The following ZNF235 variants were observed in gnomAD, a reference collection of about 807,000 sequenced individuals.
The protein encoded by ZNF235 is zinc finger protein 235.
In ZNF235, 25 loss-of-function variants were observed where a neutral mutation model predicts 29.4. The ratio of observed to expected loss-of-function variants is 0.85; its 90% CI spans 0.62 to 1.19. ZNF235 has a LOEUF of 1.19. ZNF235 is among the 50% of genes most tolerant of loss of function. The pLI, the probability that ZNF235 is intolerant of heterozygous loss-of-function variation, is 0.00. For missense variants in ZNF235, 788 were observed against 885.0 expected, an observed-to-expected ratio of 0.89 and a Z score of 1.39; for synonymous variants, 300 against 295.3, an observed-to-expected ratio of 1.02 and a Z score of -0.16.
rs1975488636 is a variant in ZNF235 at position 44,286,579 on chromosome 19, TC to T, written c.*638del. On this transcript the variant is annotated 3_prime_UTR_variant, in exon 5 of 5. Coordinates refer to ENST00000291182, the MANE Select transcript of ZNF235 (RefSeq NM_004234.4). ...GGCTGAAGGATGGGAGCCATTCATG[TC>T]TTTTTTCCAAATTTGTGTTAGTATG... 6.6e-6 allele frequency: 1 copy of T among 152,286 alleles called. No individual in the cohort carries two copies. The highest frequency in any genetic ancestry group is 1.5e-5 in the Non-Finnish European group (1 of 68,110). The allele number at this position is 152,286 out of a possible 1,614,324, so 9.4% of individuals were successfully genotyped here.
Position 44,288,359 on chromosome 19 carries a change from C to T in ZNF235, c.1076G>A (p.Ser359Asn). 6.2e-7 allele frequency: 1 copy of T among 1,614,040 alleles called. No individual in the cohort carries two copies. The highest frequency in any genetic ancestry group is 2.2e-5 in the East Asian group (1 of 44,854). The change falls in exon 5 of 5, where the codon AGC becomes AAC. Residue 359 changes from serine (S) to asparagine (N), a missense_variant. Ser to Asn is a conservative substitution (Grantham distance 46, BLOSUM62 1). Transcript: ENST00000291182. Reference protein sequence around the residue: ...CHECGKSFNQSSHLYAHLPIH... With the variant: ...CHECGKSFNQNSHLYAHLPIH... ...AGGCAAATGAGCATAAAGATGTGAG[C>T]TCTGATTAAAGCTCTTACCACACTC...
At chr19:44,295,448 A>T (rs1022219725) in intron 4 of ZNF235, among the ~76,000 whole-genome samples, 4 of 49,946 alleles carry the variant, frequency 8.0e-5, no homozygotes, top group Non-Finnish European at 1.4e-4. Context: ...TAGATGACAT[A>T]AAAAAAATGG....
chr19:44,304,593 G>T, intron 1 of ZNF235: 1 of 505,974 alleles, frequency 2.0e-6, no homozygotes, highest in Non-Finnish European at 2.6e-6. Flanking sequence ...CTGGTTTTAA[G>T]CTTATTTCTA....
At chr19:44,299,167 AGTT>A (rs1436295576) in intron 3 of ZNF235, among the ~76,000 whole-genome samples, 1 of 152,178 alleles carries the variant, frequency 6.6e-6, no homozygotes, top group Non-Finnish European at 1.5e-5. Flanking sequence ...AAGCAGCAGC[AGTT>A]ATTGCCACAA....
rs768684125 is a variant in ZNF235, at chr19:44,287,418, G to A, written c.2017C>T (p.His673Tyr). 5 of 1,614,036 alleles carry A rather than the reference G, an allele frequency of 3.1e-6. No homozygotes were observed. In the South Asian group the frequency reaches 4.4e-5, roughly 14 times the overall value. The change falls in exon 5 of 5, where the codon CAT (histidine) becomes TAT (tyrosine). Residue 673 changes from histidine to tyrosine, a missense_variant. His to Tyr is a moderately conservative substitution (Grantham distance 83). Coordinates refer to ENST00000291182, the MANE Select transcript of ZNF235 (RefSeq NM_004234.4). ...TTCTCTCCTGTGTGGACCCTCTGATGGGCACTGAGACCAGCACTCCAACTG... is the reference window on the plus strand; with the variant it reads ...TTCTCTCCTGTGTGGACCCTCTGATAGGCACTGAGACCAGCACTCCAACTG... ...EFSWSAGLSA[H>Y]QRVHTGEKPY...
At position 44,288,088 on chromosome 19, in the gene ZNF235, A is replaced by G. The variant is rs754435786; in HGVS notation, c.1347T>C (p.His449=). The G allele has an allele frequency of 6.8e-6, 11 of 1,614,008 alleles. No homozygotes were observed. The South Asian group carries it at 1.2e-4, about 18-fold the overall frequency. The change falls in exon 5 of 5, where the codon CAT becomes CAC. Residue 449 remains histidine (H), a synonymous_variant. Coordinates refer to ENST00000291182, the MANE Select transcript of ZNF235 (RefSeq NM_004234.4). ...RFSCSSNLHT[H]QRVHTEEKPY... is the part of the protein sequence containing the mutation. ...GTTTTTCTTCAGTGTGGACTCTCTGATGGGTATGAAGATTTGAGCTACAAC... is the reference window on the plus strand; with the variant it reads ...GTTTTTCTTCAGTGTGGACTCTCTGGTGGGTATGAAGATTTGAGCTACAAC...
intron 4 of ZNF235, chr19:44,289,519 G>A (rs962229965): frequency 1.0e-4 from 20 of 197,802 alleles, no homozygotes; most frequent in Admixed American, 8.3e-4. Flanking sequence ...TTGTCCAGAT[G>A]TTTCCAAATT....
chr19:44,293,492 C>T (rs1975612842), intron 4 of ZNF235, among the ~76,000 whole-genome samples: 2 of 151,966 alleles, frequency 1.3e-5, no homozygotes, highest in African/African-American at 2.4e-5. Context: ...GACCTCAACA[C>T]CCCACAGACA....
Position 44,288,591 on chromosome 19 carries a change from T to C in ZNF235, c.844A>G (p.Lys282Glu), listed in dbSNP as rs527587271. Residue 282 changes from lysine to glutamate, a missense_variant, in exon 5 of 5, where the codon AAA (lysine) becomes GAA (glutamate). Coordinates refer to ENST00000291182, the MANE Select transcript of ZNF235 (RefSeq NM_004234.4). ...FNDSSSLELH[K>E]QVHLGKKSPA... ...GACTTCTTTCCCAAGTGTACCTGTT[T>C]ATGAAGTTCAAGACTGGAGCTATCA... 1.9e-6 allele frequency: 3 copies of C among 1,614,190 alleles called. No individual in the cohort carries two copies. In the African/African-American group the frequency reaches 4.0e-5, roughly 22 times the overall value.
intron 1 of ZNF235, 118 bp from the exon 2 acceptor site, chr19:44,303,570 G>A: frequency 2.4e-6 from 2 of 816,806 alleles, no homozygotes; most frequent in Non-Finnish European, 1.9e-6. Context: ...GTTGCACACG[G>A]CTTAGTGAGG....
rs1246892106 is a variant in ZNF235 at position 44,288,271 on chromosome 19, T to C, written c.1164A>G (p.Thr388=). The C allele has an allele frequency of 6.2e-7, 1 of 1,614,100 alleles. No homozygotes were observed. The highest frequency in any genetic ancestry group is 2.2e-5 in the East Asian group (1 of 44,868). ...GAACTCTGCAATGAATGTTAAGATC[T>C]GTGCTACGACTGAAGCCCTTCCCAC... The part of the protein sequence containing the change: ...DSCGKGFSRS[T]DLNIHCRVHT... Residue 388 remains threonine, a synonymous_variant, in exon 5 of 5, where the codon ACA becomes ACG. Coordinates refer to ENST00000291182, the MANE Select transcript of ZNF235 (RefSeq NM_004234.4).
At position 44,288,427 on chromosome 19, in the gene ZNF235, A is replaced by G. The variant is rs755943044; in HGVS notation, c.1008T>C (p.Thr336=). 8.2e-5 allele frequency: 132 copies of G among 1,614,036 alleles called. No individual in the cohort carries two copies. Among genetic ancestry groups the G allele is most frequent in the Non-Finnish European group, 1.1e-4 (129 of 1,180,026 alleles). ...TCTCCCCTGTGTGGACTCTCTGATGAGTTTGCAGATTTGAGCTCTGACTGA... is the reference window on the plus strand; with the variant it reads ...TCTCCCCTGTGTGGACTCTCTGATGGGTTTGCAGATTTGAGCTCTGACTGA... ...KGFSQSSNLQ[T]HQRVHTGEKP... Residue 336 remains threonine, a synonymous_variant, in exon 5 of 5, where the codon ACT becomes ACC. Transcript: ENST00000291182.
intron 2 of ZNF235, among the ~76,000 whole-genome samples, chr19:44,300,944 A>G (rs1975728984): frequency 6.6e-6 from 1 of 151,878 alleles, no homozygotes; most frequent in Non-Finnish European, 1.5e-5. Context: ...TTCTCAATTA[A>G]CTCTTCCCGT....
chr19:44,302,370 G>C (rs999331107), intron 2 of ZNF235, among the ~76,000 whole-genome samples: 1 of 152,058 alleles, frequency 6.6e-6, no homozygotes, highest in African/African-American at 2.4e-5. Context: ...CATTTAAAAA[G>C]CAGGTGATAT....
Position 44,304,980 on chromosome 19 carries a change from A to G in ZNF235, c.-58T>C. On this transcript the variant is annotated 5_prime_UTR_variant, in exon 1 of 5. Coordinates refer to ENST00000291182, the MANE Select transcript of ZNF235 (RefSeq NM_004234.4). Reference sequence around the variant, plus strand: ...CCCGGAGCTGACTCACCTCCCTGGGAGATATCTCAGATCCGACCTCGCCTT... The same window carrying G: ...CCCGGAGCTGACTCACCTCCCTGGGGGATATCTCAGATCCGACCTCGCCTT... 1.0e-6 allele frequency: 1 copy of G among 979,308 alleles called. No homozygotes were observed. The allele number at this position is 979,308 out of a possible 1,614,324, so 60.7% of individuals were successfully genotyped here.
At position 44,288,392 on chromosome 19, in the gene ZNF235, G is replaced by GT; in HGVS notation, c.1042dup (p.Thr348AsnfsTer7). The GT allele has an allele frequency of 6.2e-7, 1 of 1,613,130 alleles. No individual in the cohort carries two copies. The highest frequency in any genetic ancestry group is 8.5e-7 in the Non-Finnish European group (1 of 1,179,676). ...AAAGCTCTTACCACACTCGTGGCAT[G>GT]TATAGGGTTTCTCCCCTGTGTGGAC... On this transcript the variant is annotated frameshift_variant, in exon 5 of 5. Coordinates refer to ENST00000291182, the MANE Select transcript of ZNF235 (RefSeq NM_004234.4). LOFTEE classifies it high-confidence loss of function.
chr19:44,299,619 G>T lies in ZNF235; in HGVS notation c.129C>A (p.Asn43Lys). 1 of 1,613,996 alleles carries T rather than the reference G, an allele frequency of 6.2e-7. No homozygotes were observed. Among genetic ancestry groups the T allele is most frequent in the Non-Finnish European group, 8.5e-7 (1 of 1,179,952 alleles). Residue 43 changes from asparagine (N) to lysine (K), a missense_variant, in exon 3 of 5, where the codon AAC becomes AAA. By Grantham distance (94) the Asn-to-Lys change is moderately conservative (BLOSUM62 0). Coordinates refer to ENST00000291182, the MANE Select transcript of ZNF235 (RefSeq NM_004234.4). The stretch of plus-strand genomic sequence containing the variant: ...GCCTGTCCTTACCCACTGAAACCAG[G>T]TTCCTAAAGTTCTCCAGCATCACAT... ...YRDVMLENFR[N>K]LVSVGHQSFK...
At chr19:44,303,564 C>T (rs1975786779) in intron 1 of ZNF235, 112 bp from the exon 2 acceptor site, 2 of 926,944 alleles carry the variant, frequency 2.2e-6, no homozygotes, top group Non-Finnish European at 3.2e-6. Flanking sequence ...GACACAGTTG[C>T]ACACGGCTTA....
intron 1 of ZNF235, 131 bp downstream of exon 1, chr19:44,304,840 G>T: frequency 1.0e-6 from 1 of 985,448 alleles, no homozygotes. Flanking sequence ...GCAAACTCCC[G>T]CAGCCTCCCA....
Sources: gnomAD v4.1 joint callset for allele counts (sites outside exome capture counted in the v4.1 genomes callset) on GRCh38, gnomAD v4.1.1 for gene constraint, MANE v1.5 for transcripts, NCBI Gene and HGNC (gene_info 2026-07-23, HGNC 2026-07-21) for gene names.